SAMD12: variants seen among roughly 807,000 people sequenced by gnomAD.
SAMD12 encodes sterile alpha motif domain containing 12.
A neutral mutation model predicts 15.0 loss-of-function variants in SAMD12; 9 were observed. The ratio of observed to expected loss-of-function variants is 0.60; its 90% confidence interval spans 0.36 to 1.05. The LOEUF is 1.05. SAMD12 is among the 50% of genes least tolerant of loss of function. SAMD12 has a pLI of 0.01. For synonymous variants in SAMD12, 86 were observed against 90.1 expected, an observed-to-expected ratio of 0.96 and a Z score of 0.25; for missense variants, 230 against 234.2, an observed-to-expected ratio of 0.98 and a Z score of 0.12.
chr8:118,350,131 A>G (rs920553163), intron 4 of SAMD12, among the ~76,000 whole-genome samples: 8 of 152,190 alleles, frequency 5.3e-5, no homozygotes, highest in Non-Finnish European at 1.2e-4. Context: ...AAAAGCTACC[A>G]TTGTGAGAGC....
intron 4 of SAMD12, among the ~76,000 whole-genome samples, chr8:118,208,897 C>T (rs1819941521): frequency 6.6e-6 from 1 of 152,180 alleles, no homozygotes; most frequent in South Asian, 2.1e-4. Context: ...ACTCTCCTTC[C>T]TGCTGTATGT....
the SAMD12 span, among the ~76,000 whole-genome samples, chr8:118,169,510 C>A: frequency 6.6e-6 from 1 of 152,152 alleles, no homozygotes; most frequent in South Asian, 2.1e-4. Context: ...GGGAATACAT[C>A]TTTACTTATA....
the SAMD12 span, among the ~76,000 whole-genome samples, chr8:118,131,996 T>C: frequency 1.3e-5 from 2 of 152,350 alleles, no homozygotes; most frequent in South Asian, 4.1e-4. Flanking sequence ...GGGTATGGTA[T>C]ACCCCAATAT....
Position 118,302,078 on chromosome 8 carries a change from G to GTTTTTTTTTTTTTTTTTT in SAMD12, c.433+77464_433+77481dup, listed in dbSNP as rs58076997. ...ATTTTCTAGCGCCAGATCTTTGAGA[G>GTTTTTTTTTTTTTTTTTT]TTTTTTTTTTTTTTTTTTTTTTTTT... is the stretch of plus-strand genomic sequence containing the variant. On this transcript the variant is annotated intron_variant, in intron 4 of 4. Transcript: ENST00000409003. Among the ~76,000 whole-genome samples the GTTTTTTTTTTTTTTTTTT allele has an allele frequency of 9.6e-4, 72 of 74,688 alleles. 8 individuals are homozygous for GTTTTTTTTTTTTTTTTTT. The highest frequency in any genetic ancestry group is 5.4e-3 in the East Asian group (10 of 1,868). The allele number at this position is 74,688 out of a possible 152,430, so 49.0% of individuals were successfully genotyped here.
chr8:118,254,975 C>T (rs983519583), intron 4 of SAMD12, among the ~76,000 whole-genome samples: 2 of 151,842 alleles, frequency 1.3e-5, no homozygotes, highest in Non-Finnish European at 2.9e-5. Flanking sequence ...CCCAAATGTC[C>T]CCTCAATCCT....
chr8:118,321,956 C>T (rs993351221), intron 4 of SAMD12, among the ~76,000 whole-genome samples: 2 of 152,140 alleles, frequency 1.3e-5, no homozygotes, highest in African/African-American at 4.8e-5. Flanking sequence ...GCCTTCAGTT[C>T]CTCAATGTGC....
intron 1 of SAMD12, among the ~76,000 whole-genome samples, chr8:118,581,673 C>CT (rs1827300516): frequency 6.6e-6 from 1 of 152,082 alleles, no homozygotes; most frequent in South Asian, 2.1e-4. Flanking sequence ...CTTACTGAGC[C>CT]CCCCTATGTA....
intron 2 of SAMD12, among the ~76,000 whole-genome samples, chr8:118,533,214 G>A (rs1206183672): frequency 6.6e-6 from 1 of 152,134 alleles, no homozygotes; most frequent in Non-Finnish European, 1.5e-5. Flanking sequence ...AGTCATTCAG[G>A]AGCAGGTTGT....
intron 4 of SAMD12, among the ~76,000 whole-genome samples, chr8:118,294,847 C>T (rs188136577): frequency 4.6e-5 from 7 of 152,104 alleles, no homozygotes; most frequent in Non-Finnish European, 8.8e-5. Context: ...ATCTGATTAA[C>T]GGGAATTTTT....
Position 118,265,695 on chromosome 8 carries a change from C to G in SAMD12, c.434-67963G>C, listed in dbSNP as rs1002516308. On this transcript the variant is annotated intron_variant, in intron 4 of 4. Coordinates refer to the SAMD12 transcript ENST00000409003. Reference sequence around the variant, plus strand: ...ATCTAGTATGATAAATAATAGGGATCAGACTTATAATAGGCTCATGGATAC... The same window carrying G: ...ATCTAGTATGATAAATAATAGGGATGAGACTTATAATAGGCTCATGGATAC... Among the ~76,000 whole-genome samples the G allele has an allele frequency of 2.0e-5, 3 of 151,398 alleles. No individual in the cohort carries two copies. The East Asian group carries it at 5.8e-4, about 29-fold the overall frequency.
chr8:118,237,324 C>G (rs567431942), intron 4 of SAMD12, among the ~76,000 whole-genome samples: 2 of 152,122 alleles, frequency 1.3e-5, no homozygotes, highest in Admixed American at 6.5e-5. Context: ...TAATGAGTTA[C>G]GTAGAGCATA....
intron 4 of SAMD12, among the ~76,000 whole-genome samples, chr8:118,313,548 A>G (rs1389948391): frequency 3.3e-5 from 5 of 152,156 alleles, no homozygotes; most frequent in Non-Finnish European, 7.4e-5. Flanking sequence ...GGAAATTAAC[A>G]AAGAATTCTT....
chr8:118,542,414 A>G (rs1318831215), intron 2 of SAMD12, among the ~76,000 whole-genome samples: 1 of 152,240 alleles, frequency 6.6e-6, no homozygotes, highest in Non-Finnish European at 1.5e-5. Context: ...AGATCACAAT[A>G]TTTGCAACAA....
At chr8:118,200,876 G>C (rs1289315550) in intron 4 of SAMD12, among the ~76,000 whole-genome samples, 2 of 152,174 alleles carry the variant, frequency 1.3e-5, no homozygotes, top group South Asian at 2.1e-4. Context: ...CTGGGGTGCA[G>C]TGGCACCATC....
chr8:118,277,019 G>GT (rs368312550), intron 4 of SAMD12, among the ~76,000 whole-genome samples: 20 of 151,230 alleles, frequency 1.3e-4, no homozygotes, highest in South Asian at 1.3e-3. Flanking sequence ...TCTTTCTCCA[G>GT]TTTTTTTTTC....
chr8:118,132,991 TATATATATATA>T, the SAMD12 span, among the ~76,000 whole-genome samples: 1 of 78,616 alleles, frequency 1.3e-5, no homozygotes, highest in Non-Finnish European at 2.7e-5. Flanking sequence ...TATATATATA[TATATATATATA>T]TATATATATA....
At chr8:118,225,455 G>A (rs1368264506) in intron 4 of SAMD12, among the ~76,000 whole-genome samples, 4 of 152,136 alleles carry the variant, frequency 2.6e-5, no homozygotes, top group Non-Finnish European at 5.9e-5. Context: ...AGGGTTTTTG[G>A]AGGCTGGCTC....
intron 4 of SAMD12, among the ~76,000 whole-genome samples, chr8:118,231,723 C>A (rs915316092): frequency 6.6e-6 from 1 of 152,148 alleles, no homozygotes; most frequent in African/African-American, 2.4e-5. Flanking sequence ...AGGAAAGAGG[C>A]TACCTGTCCA....
chr8:118,254,857 C>G (rs754256628), intron 4 of SAMD12, among the ~76,000 whole-genome samples: 2 of 152,034 alleles, frequency 1.3e-5, no homozygotes, highest in African/African-American at 2.4e-5. Flanking sequence ...CACCTCTCTA[C>G]TTGCTCACCC....
Sources: gnomAD v4.1 joint callset for allele counts (sites outside exome capture counted in the v4.1 genomes callset) on GRCh38, gnomAD v4.1.1 for gene constraint, MANE v1.5 for transcripts, NCBI Gene and HGNC (gene_info 2026-07-23, HGNC 2026-07-21) for gene names.